The following TAFA2 variants were observed in gnomAD, a reference collection of about 807,000 sequenced individuals.
The protein encoded by TAFA2 is chemokine-like protein TAFA-2.
A neutral mutation model predicts 18.8 loss-of-function variants in TAFA2; 7 were observed. The observed-to-expected ratio is 0.37, with a 90% CI of 0.21 to 0.70. TAFA2 has a LOEUF of 0.70. TAFA2 is among the 30% of genes least tolerant of loss of function. TAFA2 has a pLI of 0.53. For missense variants in TAFA2, 122 were observed against 158.1 expected, an observed-to-expected ratio of 0.77 and a Z score of 1.23; for synonymous variants, 60 against 54.2, an observed-to-expected ratio of 1.11 and a Z score of -0.47.
intron 1 of TAFA2, among the ~76,000 whole-genome samples, chr12:62,171,520 G>A (rs1294675585): frequency 6.6e-6 from 1 of 152,130 alleles, no homozygotes; most frequent in Non-Finnish European, 1.5e-5. Context: ...TTAGGAGATG[G>A]AGCCTTTGGG....
At chr12:62,059,370 C>T (rs553396712) in intron 1 of TAFA2, among the ~76,000 whole-genome samples, 2 of 152,036 alleles carry the variant, frequency 1.3e-5, no homozygotes, top group South Asian at 2.1e-4. Context: ...TGCTATGGAA[C>T]GAGCATTATT....
intron 2 of TAFA2, among the ~76,000 whole-genome samples, chr12:61,820,857 A>C (rs925099594): frequency 6.6e-6 from 1 of 152,174 alleles, no homozygotes; most frequent in South Asian, 2.1e-4. Flanking sequence ...TGTTCTATAC[A>C]ATTGTTTTAA....
chr12:61,770,890 C>T (rs987480397), intron 2 of TAFA2, among the ~76,000 whole-genome samples: 5 of 152,038 alleles, frequency 3.3e-5, no homozygotes, highest in Non-Finnish European at 7.4e-5. Context: ...GAGTACCTCA[C>T]TTTTCAATAC....
chr12:61,935,111 A>C (rs1306977092), intron 1 of TAFA2, among the ~76,000 whole-genome samples: 2 of 152,204 alleles, frequency 1.3e-5, no homozygotes, highest in African/African-American at 4.8e-5. Context: ...GCTATATGCA[A>C]AGTGCTAGGC....
intron 2 of TAFA2, among the ~76,000 whole-genome samples, chr12:61,766,423 C>T (rs1869792976): frequency 1.3e-5 from 2 of 152,020 alleles, no homozygotes; most frequent in South Asian, 4.1e-4. Context: ...AGTCCATCTC[C>T]CTGTTTCTTG....
chr12:61,787,061 G>C (rs1449507230), intron 2 of TAFA2, among the ~76,000 whole-genome samples: 4 of 151,300 alleles, frequency 2.6e-5, no homozygotes, highest in African/African-American at 9.7e-5. Context: ...CCCATTAAAA[G>C]AGATGAAAAG....
chr12:61,848,219 T>C (rs959918770), intron 2 of TAFA2, among the ~76,000 whole-genome samples: 2 of 152,232 alleles, frequency 1.3e-5, no homozygotes, highest in African/African-American at 2.4e-5. Context: ...GGTTATTATA[T>C]GTATGATATC....
At chr12:61,783,538 A>C (rs1327894585) in intron 2 of TAFA2, among the ~76,000 whole-genome samples, 1 of 151,674 alleles carries the variant, frequency 6.6e-6, no homozygotes, top group Non-Finnish European at 1.5e-5. Flanking sequence ...TATGGAATTG[A>C]AATTAATGAA....
intron 1 of TAFA2, among the ~76,000 whole-genome samples, chr12:62,225,441 T>C (rs80348854): frequency 0.013 from 1,923 of 152,198 alleles, 42 homozygotes; most frequent in African/African-American, 0.044. Flanking sequence ...GTTATAATCT[T>C]GAAATCAGAA....
At chr12:62,203,647 G>A (rs1053081862) in intron 1 of TAFA2, among the ~76,000 whole-genome samples, 1 of 152,112 alleles carries the variant, frequency 6.6e-6, no homozygotes, top group Non-Finnish European at 1.5e-5. Flanking sequence ...TCAGAAACTA[G>A]GATTGCAACC....
intron 1 of TAFA2, among the ~76,000 whole-genome samples, chr12:62,255,610 T>C (rs1209348526): frequency 1.3e-5 from 2 of 152,164 alleles, no homozygotes. Context: ...CGCAGCACTT[T>C]GGGAGGCTGA....
At chr12:62,064,572 T>G (rs1015526630) in intron 1 of TAFA2, among the ~76,000 whole-genome samples, 4 of 152,106 alleles carry the variant, frequency 2.6e-5, no homozygotes, top group Admixed American at 2.0e-4. Flanking sequence ...TCAAATTTCC[T>G]CCAGAACCAT....
At position 61,857,054 on chromosome 12, in the gene TAFA2, A is replaced by G. The variant is rs572981159; in HGVS notation, c.106+10266T>C. On this transcript the variant is annotated intron_variant, in intron 2 of 4. Transcript: ENST00000416284. ...AGGTATTTTAAAGTTTCTGCTTTACATTTTTCTATATTTTTCAATTTTCTC... is the reference window on the plus strand; with the variant it reads ...AGGTATTTTAAAGTTTCTGCTTTACGTTTTTCTATATTTTTCAATTTTCTC... Among the ~76,000 whole-genome samples, 7 of 151,968 alleles carry G rather than the reference A, an allele frequency of 4.6e-5. No individual in the cohort carries two copies. The East Asian group carries it at 1.4e-3, about 29-fold the overall frequency.
intron 2 of TAFA2, among the ~76,000 whole-genome samples, chr12:61,763,551 G>A (rs570304266): frequency 6.6e-6 from 1 of 151,880 alleles, no homozygotes; most frequent in Non-Finnish European, 1.5e-5. Context: ...TTTATACACT[G>A]TCCAGCAACT....
chr12:61,840,280 C>T (rs566659406), intron 2 of TAFA2, among the ~76,000 whole-genome samples: 6 of 152,066 alleles, frequency 3.9e-5, no homozygotes, highest in South Asian at 4.2e-4. Flanking sequence ...ATGTGCCTGA[C>T]GTGCCTCAGT....
chr12:62,199,947 C>A (rs183551926), intron 1 of TAFA2, among the ~76,000 whole-genome samples: 2 of 152,276 alleles, frequency 1.3e-5, no homozygotes, highest in Non-Finnish European at 1.5e-5. Context: ...AAACACTATT[C>A]TGATTGGTGT....
intron 1 of TAFA2, among the ~76,000 whole-genome samples, chr12:62,134,614 C>A (rs1870823065): frequency 6.6e-6 from 1 of 152,062 alleles, no homozygotes; most frequent in African/African-American, 2.4e-5. Flanking sequence ...TAGCACTTGT[C>A]ACAATCTACA....
intron 2 of TAFA2, chr12:61,775,806 G>C (rs963065068): frequency 2.5e-5 from 4 of 161,270 alleles, no homozygotes; most frequent in Non-Finnish European, 5.4e-5. Context: ...TGTGAATGTA[G>C]AGGTAAGCCG....
chr12:61,802,819 A>T (rs1008363012), intron 2 of TAFA2, among the ~76,000 whole-genome samples: 1 of 152,214 alleles, frequency 6.6e-6, no homozygotes, highest in East Asian at 1.9e-4. Context: ...ATCATTACAC[A>T]TTGTATATAT....
Sources: allele counts gnomAD v4.1 joint callset (sites outside exome capture counted in the v4.1 genomes callset), GRCh38; gene constraint gnomAD v4.1.1; transcripts MANE v1.5; gene names NCBI Gene and HGNC (gene_info 2026-07-23, HGNC 2026-07-21).